Variants in NRG3 observed in about 807,000 individuals in gnomAD.
The protein encoded by NRG3 is neuregulin 3, also known as pro-neuregulin-3, membrane-bound isoform.
In NRG3, 31 loss-of-function variants were observed where a neutral mutation model predicts 66.9. The observed-to-expected ratio is 0.46, with a 90% CI of 0.35 to 0.63. NRG3 has a LOEUF of 0.63. Ranked by LOEUF, NRG3 falls within the 20% of genes least tolerant of loss-of-function variation. The pLI is 0.00. For missense variants in NRG3, 910 were observed against 878.9 expected, an observed-to-expected ratio of 1.04 and a Z score of -0.45; for synonymous variants, 393 against 359.4, an observed-to-expected ratio of 1.09 and a Z score of -1.06.
intron 4 of NRG3, among the ~76,000 whole-genome samples, chr10:82,879,365 T>C (rs906199305): frequency 6.6e-6 from 1 of 152,108 alleles, no homozygotes; most frequent in Non-Finnish European, 1.5e-5. Flanking sequence ...CACAAGACCA[T>C]GCAATTTAGT....
chr10:82,907,375 C>A (rs1475392837), intron 4 of NRG3, among the ~76,000 whole-genome samples: 1 of 152,138 alleles, frequency 6.6e-6, no homozygotes, highest in African/African-American at 2.4e-5. Context: ...TGGAATATAT[C>A]ATTTTACCCC....
At chr10:82,121,447 C>A (rs1402085400) in intron 1 of NRG3, among the ~76,000 whole-genome samples, 1 of 152,134 alleles carries the variant, frequency 6.6e-6, no homozygotes, top group Non-Finnish European at 1.5e-5. Context: ...ACATACCCTA[C>A]ATGAACTGCT....
chr10:82,815,581 A>C (rs2061672335), intron 3 of NRG3, among the ~76,000 whole-genome samples: 1 of 151,934 alleles, frequency 6.6e-6, no homozygotes, highest in Non-Finnish European at 1.5e-5. Context: ...TGAACTTATA[A>C]ATTCCCTTTG....
At position 82,297,501 on chromosome 10, in the gene NRG3, T is replaced by A. The variant is rs578216949; in HGVS notation, c.824-61238T>A. Among the ~76,000 whole-genome samples the A allele has an allele frequency of 2.6e-3, 394 of 152,202 alleles. 1 individual carries two copies. The highest frequency in any genetic ancestry group is 9.1e-3 in the African/African-American group (377 of 41,540). On this transcript the variant is annotated intron_variant, in intron 1 of 8. Transcript: ENST00000372141. ...GCAACATGTATAACATTATAGGAGC[T>A]TTTGACTGGTTTCTCTGCTTAGTAG...
chr10:82,339,813 C>T (rs75457529), intron 1 of NRG3, among the ~76,000 whole-genome samples: 5,633 of 151,796 alleles, frequency 0.037, 162 homozygotes, highest in African/African-American at 0.085. Flanking sequence ...GTGCACTTCT[C>T]ATCTGCCATG....
At chr10:82,441,073 T>A (rs1219347550) in intron 2 of NRG3, among the ~76,000 whole-genome samples, 1 of 152,244 alleles carries the variant, frequency 6.6e-6, no homozygotes, top group African/African-American at 2.4e-5. Flanking sequence ...CATTGCAGAT[T>A]AGCAGTTAAT....
intron 1 of NRG3, among the ~76,000 whole-genome samples, chr10:81,951,542 C>T (rs1373739394): frequency 6.6e-6 from 1 of 152,152 alleles, no homozygotes; most frequent in Non-Finnish European, 1.5e-5. Flanking sequence ...GAGAATTCAA[C>T]TGCTCCTAGA....
chr10:82,735,459 T>C (rs375189679), intron 2 of NRG3, among the ~76,000 whole-genome samples: 4 of 152,160 alleles, frequency 2.6e-5, no homozygotes, highest in African/African-American at 9.7e-5. Flanking sequence ...CATGCACAAG[T>C]GTTTTTATTG....
At chr10:82,714,267 A>T (rs918841800) in intron 2 of NRG3, among the ~76,000 whole-genome samples, 2 of 152,104 alleles carry the variant, frequency 1.3e-5, no homozygotes, top group African/African-American at 2.4e-5. Flanking sequence ...CTTAGGATTT[A>T]TCAAGAATAC....
In NRG3 at chr10:82,495,187, G is replaced by A. The variant is rs7914205; in HGVS notation, c.953+136319G>A. ...CCTGACCTCGTGATCTGCCCGTCTCGGCCTCCCAAAGTGCTGGGATTACAG... is the reference window on the plus strand; with the variant it reads ...CCTGACCTCGTGATCTGCCCGTCTCAGCCTCCCAAAGTGCTGGGATTACAG... On this transcript the variant is annotated intron_variant, in intron 2 of 8. Coordinates refer to ENST00000372141, the MANE Select transcript of NRG3 (RefSeq NM_001010848.4). Among the ~76,000 whole-genome samples the A allele has an allele frequency of 5.6e-3, 854 of 152,014 alleles. 8 individuals are homozygous for A. The highest frequency in any genetic ancestry group is 0.019 in the African/African-American group (808 of 41,474).
chr10:82,093,485 A>G (rs539923384), intron 1 of NRG3, among the ~76,000 whole-genome samples: 6 of 152,324 alleles, frequency 3.9e-5, no homozygotes, highest in African/African-American at 1.4e-4. Flanking sequence ...AATTAACCAT[A>G]TATATGTAAT....
chr10:82,064,126 G>A (rs1322846308), intron 1 of NRG3, among the ~76,000 whole-genome samples: 4 of 152,236 alleles, frequency 2.6e-5, no homozygotes, highest in African/African-American at 9.6e-5. Flanking sequence ...TTCTGGTTTG[G>A]AATTGTATCA....
intron 2 of NRG3, among the ~76,000 whole-genome samples, chr10:82,459,110 G>A (rs1166552459): frequency 6.6e-6 from 1 of 152,020 alleles, no homozygotes; most frequent in South Asian, 2.1e-4. Flanking sequence ...ATACCTTTAG[G>A]TCACTGGGGC....
chr10:82,762,851 A>T (rs2059382252), intron 3 of NRG3, among the ~76,000 whole-genome samples: 1 of 152,188 alleles, frequency 6.6e-6, no homozygotes, highest in Non-Finnish European at 1.5e-5. Context: ...TTCAGTTGCC[A>T]TGGTGATGAT....
intron 1 of NRG3, among the ~76,000 whole-genome samples, chr10:81,894,639 A>G (rs1331267509): frequency 1.3e-5 from 2 of 152,304 alleles, no homozygotes; most frequent in East Asian, 3.9e-4. Flanking sequence ...AACATAAAAT[A>G]ATTTAAAACA....
At position 82,755,356 on chromosome 10, in the gene NRG3, TCAAA is replaced by T. The variant is rs541756621; in HGVS notation, c.1027+16710_1027+16713del. ...TCTCATAGTAATTTGTACACTCTTC[TCAAA>T]CAATCAACCTCAAAAGGATCTACCA... On this transcript the variant is annotated intron_variant, in intron 3 of 8. Transcript: ENST00000372141. Among the ~76,000 whole-genome samples the T allele has an allele frequency of 1.1e-4, 16 of 152,226 alleles. No homozygotes were observed. In the East Asian group the frequency reaches 2.7e-3, roughly 26 times the overall value.
intron 2 of NRG3, among the ~76,000 whole-genome samples, chr10:82,426,316 A>G (rs988335117): frequency 2.6e-5 from 4 of 152,156 alleles, no homozygotes; most frequent in Non-Finnish European, 5.9e-5. Context: ...GTCCACGCTC[A>G]GTCTCCAGTA....
intron 1 of NRG3, among the ~76,000 whole-genome samples, chr10:82,329,461 A>T (rs2082037555): frequency 6.7e-6 from 1 of 148,164 alleles, no homozygotes; most frequent in Non-Finnish European, 1.5e-5. Context: ...TTTTTTAAAG[A>T]AAAAAAAGAA....
At chr10:82,819,846 C>T (rs946062963) in intron 3 of NRG3, among the ~76,000 whole-genome samples, 2 of 152,144 alleles carry the variant, frequency 1.3e-5, no homozygotes, top group African/African-American at 4.8e-5. Context: ...GAAAGAGAAT[C>T]CCCAAGGCTG....
Sources: allele counts gnomAD v4.1 joint callset (sites outside exome capture counted in the v4.1 genomes callset), GRCh38; gene constraint gnomAD v4.1.1; transcripts MANE v1.5; gene names NCBI Gene and HGNC (gene_info 2026-07-23, HGNC 2026-07-21).